Variants in GABBR1 observed in about 807,000 individuals in gnomAD.
GABBR1 encodes gamma-aminobutyric acid type B receptor subunit 1.
In GABBR1, 35 loss-of-function variants were observed where a neutral mutation model predicts 117.7. The observed-to-expected ratio is 0.30, with a 90% CI of 0.23 to 0.39. The LOEUF is 0.39. GABBR1 is among the 10% of genes least tolerant of loss of function. GABBR1 has a pLI of 1.00. For missense variants in GABBR1, 709 were observed against 1,241.8 expected (o/e 0.57, Z 6.45); for synonymous variants, 442 against 486.6 (o/e 0.91, Z 1.21).
chr6:29,632,611 A>T lies in GABBR1; in HGVS notation c.1-226T>A. On this transcript the variant is annotated intron_variant, in intron 1 of 22. Coordinates refer to ENST00000377034, the MANE Select transcript of GABBR1 (RefSeq NM_001470.4). This position sits in a 1 kb window ranked among gnomAD's most constrained non-coding sequence, Gnocchi z 5.8. ...CTCCTCCTGCCTCCCTCGGCCCCCA[A>T]CCCTCCCGGGACTCCACCTCTCACC... 1 of 1,280,808 alleles carries T rather than the reference A, an allele frequency of 7.8e-7. No individual in the cohort carries two copies. The highest frequency in any genetic ancestry group is 1.0e-6 in the Non-Finnish European group (1 of 953,304). The allele number at this position is 1,280,808 out of a possible 1,614,324, so 79.3% of individuals were successfully genotyped here. A position where few individuals can be genotyped will look rare whatever the true frequency, so the allele number is the denominator to read the frequency against.
Position 29,608,636 on chromosome 6 carries a change from G to T in GABBR1, c.1957C>A (p.His653Asn). The T allele has an allele frequency of 6.2e-7, 1 of 1,613,012 alleles. No individual in the cohort carries two copies. The highest frequency in any genetic ancestry group is 8.5e-7 in the Non-Finnish European group (1 of 1,179,996). Reference protein sequence around the residue: ...AVFPLGLDGYHIGRNQFPFVC... With the variant: ...AVFPLGLDGYNIGRNQFPFVC... Reference sequence around the variant, plus strand: ...AAAGGAAACTGGTTCCTCCCAATGTGGTAACCATCGAGCCCCAGGGGGAAG... The same window carrying T: ...AAAGGAAACTGGTTCCTCCCAATGTTGTAACCATCGAGCCCCAGGGGGAAG... Residue 653 changes from histidine (H) to asparagine (N), a missense_variant, in exon 16 of 23, where the codon CAC becomes AAC. His to Asn is a moderately conservative substitution (Grantham distance 68). Transcript: ENST00000377034.
rs577986694 is a variant in GABBR1, at chr6:29,602,273, C to T, written c.*1270G>A. 6.6e-6 allele frequency: 1 copy of T among 152,548 alleles called. No homozygotes were observed. The highest frequency in any genetic ancestry group is 2.4e-5 in the African/African-American group (1 of 41,572). The allele number at this position is 152,548 out of a possible 1,614,324, so 9.4% of individuals were successfully genotyped here. ...TGGTTTATTGAGATTCGGGGAGATCCTTCCCCAAGAGACACCACAGTGTGA... is the reference window on the plus strand; with the variant it reads ...TGGTTTATTGAGATTCGGGGAGATCTTTCCCCAAGAGACACCACAGTGTGA... On this transcript the variant is annotated 3_prime_UTR_variant, in exon 23 of 23. Coordinates refer to ENST00000377034, the MANE Select transcript of GABBR1 (RefSeq NM_001470.4).
Position 29,606,758 on chromosome 6 carries a change from G to T in GABBR1, c.2217+139C>A. On this transcript the variant is annotated intron_variant, in intron 18 of 22. Transcript: ENST00000377034. This position sits in a 1 kb window ranked among gnomAD's most constrained non-coding sequence, Gnocchi z 4.5. ...GCCTATGAGGGGCTCCTTCTAGGAA[G>T]GAAAGGAAGAGCTTCCAATACGAGG... 2 of 716,756 alleles carry T rather than the reference G, an allele frequency of 2.8e-6. No homozygotes were observed. Among genetic ancestry groups the T allele is most frequent in the Non-Finnish European group, 2.3e-6 (1 of 429,632 alleles). The allele number at this position is 716,756 out of a possible 1,614,324, so 44.4% of individuals were successfully genotyped here.
At chr6:29,603,789 G>A (rs1761661625) in intron 22 of GABBR1, 73 bp from the exon 23 acceptor site, 1 of 1,191,004 alleles carries the variant, frequency 8.4e-7, no homozygotes, top group Non-Finnish European at 1.1e-6. Flanking sequence ...GGGAAAGAGA[G>A]GAAGGGCACA....
chr6:29,611,165 CAA>C lies in GABBR1; in HGVS notation c.1631-166_1631-165del, dbSNP rs766148898. 6.1e-4 allele frequency: 351 copies of C among 575,170 alleles called. 2 individuals are homozygous for C. The highest frequency in any genetic ancestry group is 4.3e-3 in the Admixed American group (143 of 33,288). The allele number at this position is 575,170 out of a possible 1,614,324, so 35.6% of individuals were successfully genotyped here. A position where few individuals can be genotyped will look rare whatever the true frequency, so the allele number is the denominator to read the frequency against. On this transcript the variant is annotated intron_variant, in intron 13 of 22. Coordinates refer to ENST00000377034, the MANE Select transcript of GABBR1 (RefSeq NM_001470.4). This position sits in a 1 kb window ranked among gnomAD's most constrained non-coding sequence, Gnocchi z 4.6. The stretch of plus-strand genomic sequence containing the variant: ...AGGACCTACGAGACTCTTGAATCAG[CAA>C]CATGACTTAAAAGCAATATAAGGTG...
In GABBR1 at chr6:29,603,201, G is replaced by A. The variant is rs774567157; in HGVS notation, c.*342C>T. On this transcript the variant is annotated 3_prime_UTR_variant, in exon 23 of 23. Coordinates refer to ENST00000377034, the MANE Select transcript of GABBR1 (RefSeq NM_001470.4). ...AGGCAGAGGAGCTGCAGGGGTTGCC[G>A]TGGTAACTAGAAGAGGGTGTTGCAT... 3.0e-4 allele frequency: 154 copies of A among 514,494 alleles called. No individual in the cohort carries two copies. Among genetic ancestry groups the A allele is most frequent in the African/African-American group, 2.7e-3 (139 of 52,400 alleles). The allele number at this position is 514,494 out of a possible 1,614,324, so 31.9% of individuals were successfully genotyped here.
Position 29,627,439 on chromosome 6 carries a change from T to TG in GABBR1, c.657+46dup. On this transcript the variant is annotated intron_variant, in intron 6 of 22. Coordinates refer to ENST00000377034, the MANE Select transcript of GABBR1 (RefSeq NM_001470.4). The surrounding 1 kb of genome is among the most constrained non-coding windows in gnomAD (Gnocchi z 4.4). The stretch of plus-strand genomic sequence containing the variant: ...GGGCGCGTGCAGCTGGCTGGCCCCC[T>TG]GCCCCGCAAGCCCCCACCTCCCACC... 1 of 1,157,780 alleles carries TG rather than the reference T, an allele frequency of 8.6e-7. No individual in the cohort carries two copies. 71.7% of individuals were successfully genotyped at this position (1,157,780 alleles called of 1,614,324 possible).
rs1763852232 is a variant in GABBR1, at chr6:29,622,450, C to T, written c.964-245G>A. The stretch of plus-strand genomic sequence containing the variant: ...TGCTGAGGCTCTGTGTGGGGGAAGC[C>T]ACTCCATTCACCCACTCCTACCACT... On this transcript the variant is annotated intron_variant, in intron 8 of 22. Transcript: ENST00000377034. The surrounding 1 kb of genome is among the most constrained non-coding windows in gnomAD (Gnocchi z 4.6). 1 of 528,472 alleles carries T rather than the reference C, an allele frequency of 1.9e-6. No individual in the cohort carries two copies. The highest frequency in any genetic ancestry group is 3.4e-6 in the Non-Finnish European group (1 of 295,796). 32.7% of individuals were successfully genotyped at this position (528,472 alleles called of 1,614,324 possible).
rs1213961774 is a variant in GABBR1 at position 29,621,960 on chromosome 6, G to A, written c.1066-143C>T. On this transcript the variant is annotated intron_variant, in intron 9 of 22. Transcript: ENST00000377034. This position sits in a 1 kb window ranked among gnomAD's most constrained non-coding sequence, Gnocchi z 5.0. ...AACGTATAGTGAATAAACGTCAACT[G>A]GAAGATGGAGCTAAACTTCCCCAGG... 1 of 1,036,572 alleles carries A rather than the reference G, an allele frequency of 9.6e-7. No homozygotes were observed. The highest frequency in any genetic ancestry group is 2.1e-5 in the Admixed American group (1 of 47,780). 64.2% of individuals were successfully genotyped at this position (1,036,572 alleles called of 1,614,324 possible).
chr6:29,608,376 A>G (rs745443638), intron 16 of GABBR1: 37 of 486,972 alleles, frequency 7.6e-5, no homozygotes, highest in South Asian at 2.2e-4. Context: ...TGCCATGGCA[A>G]CCTTGGAACT....
Position 29,621,893 on chromosome 6 carries a change from T to A in GABBR1, c.1066-76A>T. 1 of 1,453,272 alleles carries A rather than the reference T, an allele frequency of 6.9e-7. No homozygotes were observed. Among genetic ancestry groups the A allele is most frequent in the South Asian group, 1.2e-5 (1 of 86,736 alleles). The allele number at this position is 1,453,272 out of a possible 1,614,324, so 90.0% of individuals were successfully genotyped here. A position where few individuals can be genotyped will look rare whatever the true frequency, so the allele number is the denominator to read the frequency against. On this transcript the variant is annotated intron_variant, in intron 9 of 22. Coordinates refer to ENST00000377034, the MANE Select transcript of GABBR1 (RefSeq NM_001470.4). The surrounding 1 kb of genome is among the most constrained non-coding windows in gnomAD (Gnocchi z 5.0). ...GGGCTAAGCCAGATGTCTTCACAGCTTTGATTTCCCATCCCAAAGTGCTTA... is the reference window on the plus strand; with the variant it reads ...GGGCTAAGCCAGATGTCTTCACAGCATTGATTTCCCATCCCAAAGTGCTTA...
rs1181277276 is a variant in GABBR1, at chr6:29,623,685, A to T, written c.792+205T>A. Among the ~76,000 whole-genome samples, 1 of 152,100 alleles carries T rather than the reference A, an allele frequency of 6.6e-6. No homozygotes were observed. Among genetic ancestry groups the T allele is most frequent in the Admixed American group, 6.5e-5 (1 of 15,270 alleles). ...ATGCTCTTTCACTGATCTAATTTCA[A>T]TTCCTTCTGAAGAAGGAGGTCAGCT... is the stretch of plus-strand genomic sequence containing the variant. On this transcript the variant is annotated intron_variant, in intron 7 of 22. Coordinates refer to ENST00000377034, the MANE Select transcript of GABBR1 (RefSeq NM_001470.4). The surrounding 1 kb of genome is among the most constrained non-coding windows in gnomAD (Gnocchi z 6.2).
chr6:29,621,302 G>C lies in GABBR1; in HGVS notation c.1132-10C>G, dbSNP rs1763726810. 6.2e-7 allele frequency: 1 copy of C among 1,605,770 alleles called. No homozygotes were observed. The highest frequency in any genetic ancestry group is 1.7e-5 in the Admixed American group (1 of 58,974). ...GACGCTCCTTGTACACCTGAATACA[G>C]AGGAGAATGGCTGAGTTTTTGTTTG... On this transcript the variant is annotated splice_polypyrimidine_tract_variant and intron_variant, in intron 10 of 22. Coordinates refer to ENST00000377034, the MANE Select transcript of GABBR1 (RefSeq NM_001470.4). The surrounding 1 kb of genome is among the most constrained non-coding windows in gnomAD (Gnocchi z 5.0).
In GABBR1 at chr6:29,604,980, G is replaced by A; in HGVS notation, c.2448C>T (p.Cys816=). The change falls in exon 21 of 23, where the codon TGC becomes TGT. Residue 816 remains cysteine, a synonymous_variant. Coordinates refer to ENST00000377034, the MANE Select transcript of GABBR1 (RefSeq NM_001470.4). The surrounding 1 kb of genome is among the most constrained non-coding windows in gnomAD (Gnocchi z 5.3). ...TCATGGTGACAGGAGCAGTGATGAG[G>A]CACAGGACCTAGAGGGAAAGACACA... The part of the protein sequence containing the change: ...GMAIYNVAVL[C]LITAPVTMIL... 1 of 1,611,386 alleles carries A rather than the reference G, an allele frequency of 6.2e-7. No homozygotes were observed. Among genetic ancestry groups the A allele is most frequent in the Non-Finnish European group, 8.5e-7 (1 of 1,179,242 alleles).
chr6:29,632,174 A>G lies in GABBR1; in HGVS notation c.85+127T>C, dbSNP rs1235008421. ...CAGCAGTAGTAAAGTCGGGCCGAGC[A>G]GAAGGGGTTGCCAGACCGGGATGAT... On this transcript the variant is annotated intron_variant, in intron 2 of 22. Transcript: ENST00000377034. This position sits in a 1 kb window ranked among gnomAD's most constrained non-coding sequence, Gnocchi z 5.8. 2 of 558,636 alleles carry G rather than the reference A, an allele frequency of 3.6e-6. No individual in the cohort carries two copies. Among genetic ancestry groups the G allele is most frequent in the Non-Finnish European group, 6.0e-6 (2 of 331,316 alleles). The allele number at this position is 558,636 out of a possible 1,614,324, so 34.6% of individuals were successfully genotyped here. A position where few individuals can be genotyped will look rare whatever the true frequency, so the allele number is the denominator to read the frequency against.
At chr6:29,614,445 G>T (rs891002035) in intron 11 of GABBR1, among the ~76,000 whole-genome samples, 1 of 152,204 alleles carries the variant, frequency 6.6e-6, no homozygotes, top group African/African-American at 2.4e-5. Flanking sequence ...GATGAATGAA[G>T]AATAAATAAA....
Position 29,606,524 on chromosome 6 carries a change from C to T in GABBR1, c.2218-40G>A, listed in dbSNP as rs1371893256. The T allele has an allele frequency of 6.0e-6, 8 of 1,339,394 alleles. No homozygotes were observed. Among genetic ancestry groups the T allele is most frequent in the Non-Finnish European group, 8.6e-6 (8 of 930,204 alleles). 83.0% of individuals were successfully genotyped at this position (1,339,394 alleles called of 1,614,324 possible). A position where few individuals can be genotyped will look rare whatever the true frequency, so the allele number is the denominator to read the frequency against. On this transcript the variant is annotated intron_variant, in intron 18 of 22. Coordinates refer to ENST00000377034, the MANE Select transcript of GABBR1 (RefSeq NM_001470.4). This position sits in a 1 kb window ranked among gnomAD's most constrained non-coding sequence, Gnocchi z 4.5. ...AGGTCACAAGAAAGATGGTTGCCAG[C>T]CTCCCCTCCTCTCCTCAACGCTTCT...
At position 29,627,617 on chromosome 6, in the gene GABBR1, A is replaced by G; in HGVS notation, c.526T>C (p.Phe176Leu). Residue 176 changes from phenylalanine (F) to leucine (L), a missense_variant, in exon 6 of 23, where the codon TTT becomes CTT. Phe to Leu is a conservative substitution (Grantham distance 22). Coordinates refer to ENST00000377034, the MANE Select transcript of GABBR1 (RefSeq NM_001470.4). The surrounding 1 kb of genome is among the most constrained non-coding windows in gnomAD (Gnocchi z 4.4). ...CCTGGCCAGCCCCCGCTCATGGGAA[A>G]CAGTGCCCCGATGTACACTGCGCGC... The part of the protein sequence containing the change: ...ERRAVYIGAL[F>L]PMSGGWPGGQ... 1 of 1,564,586 alleles carries G rather than the reference A, an allele frequency of 6.4e-7. No individual in the cohort carries two copies. Among genetic ancestry groups the G allele is most frequent in the Non-Finnish European group, 8.6e-7 (1 of 1,157,688 alleles).
chr6:29,620,628 T>C lies in GABBR1; in HGVS notation c.1323+473A>G, dbSNP rs1763651007. Among the ~76,000 whole-genome samples, 1 of 151,984 alleles carries C rather than the reference T, an allele frequency of 6.6e-6. No homozygotes were observed. Among genetic ancestry groups the C allele is most frequent in the Admixed American group, 6.6e-5 (1 of 15,260 alleles). On this transcript the variant is annotated intron_variant, in intron 11 of 22. Coordinates refer to ENST00000377034, the MANE Select transcript of GABBR1 (RefSeq NM_001470.4). This position sits in a 1 kb window ranked among gnomAD's most constrained non-coding sequence, Gnocchi z 4.5. ...CATAAAATTCTAAAAAAAGAATCAT[T>C]AAAAAAAGCAACAGGATCCAAGCTA...
Sources: gnomAD v4.1 joint callset for allele counts (sites outside exome capture counted in the v4.1 genomes callset) on GRCh38, gnomAD v4.1.1 for gene constraint, Gnocchi (gnomAD v3.1) non-coding constraint, MANE v1.5 for transcripts, NCBI Gene and HGNC (gene_info 2026-07-23, HGNC 2026-07-21) for gene names.